PTPRT: variants seen among roughly 807,000 people sequenced by gnomAD.
The protein encoded by PTPRT is receptor-type tyrosine-protein phosphatase T.
A neutral mutation model predicts 176.8 loss-of-function variants in PTPRT; 56 were observed. The observed-to-expected ratio is 0.32, with a 90% confidence interval of 0.26 to 0.40. The LOEUF (loss-of-function observed/expected upper bound fraction) is 0.40. PTPRT is among the 10% of genes least tolerant of loss of function. PTPRT has a pLI of 1.00. For synonymous variants in PTPRT, 783 were observed against 739.0 expected (o/e 1.06, Z -0.96); for missense variants, 1,540 against 1,908.2 (o/e 0.81, Z 3.60).
At chr20:42,432,461 G>A (rs909764827) in intron 9 of PTPRT, among the ~76,000 whole-genome samples, 2 of 152,142 alleles carry the variant, frequency 1.3e-5, no homozygotes, top group African/African-American at 4.8e-5. Context: ...TGGCCAAGGG[G>A]ACCCCAGAGA....
chr20:42,096,756 ATTTTTTT>A (rs58111170), intron 27 of PTPRT, among the ~76,000 whole-genome samples: 9,649 of 119,030 alleles, frequency 0.081, 549 homozygotes, highest in African/African-American at 0.2. Flanking sequence ...GCTAATTAAA[ATTTTTTT>A]TTTTTTTTTT....
intron 1 of PTPRT, among the ~76,000 whole-genome samples, chr20:42,947,546 A>G (rs959210657): frequency 6.6e-6 from 1 of 152,170 alleles, no homozygotes; most frequent in Non-Finnish European, 1.5e-5. Flanking sequence ...ACCAGACCAA[A>G]CAATATCGCA....
chr20:43,018,578 C>T (rs1027648150), intron 1 of PTPRT, among the ~76,000 whole-genome samples: 2 of 152,044 alleles, frequency 1.3e-5, no homozygotes, highest in Non-Finnish European at 2.9e-5. Flanking sequence ...TGTAAAATGG[C>T]GGGGGGTGGG....
chr20:42,951,107 G>A (rs1312868719), intron 1 of PTPRT, among the ~76,000 whole-genome samples: 1 of 152,220 alleles, frequency 6.6e-6, no homozygotes, highest in Non-Finnish European at 1.5e-5. Context: ...ATGGATGAGA[G>A]AATGAAGGAT....
At chr20:42,419,477 T>C (rs1232574077) in intron 9 of PTPRT, among the ~76,000 whole-genome samples, 4 of 152,168 alleles carry the variant, frequency 2.6e-5, no homozygotes, top group Non-Finnish European at 2.9e-5. Flanking sequence ...CACCTCCTTT[T>C]CTTAGAACTT....
At chr20:42,568,767 C>T (rs113029168) in intron 7 of PTPRT, among the ~76,000 whole-genome samples, 6,017 of 151,930 alleles carry the variant, frequency 0.04, 173 homozygotes, top group Non-Finnish European at 0.061. Context: ...AGAATTATTT[C>T]GGCTAGGCAC....
At chr20:42,477,747 A>G (rs750475248) in intron 7 of PTPRT, among the ~76,000 whole-genome samples, 1 of 152,206 alleles carries the variant, frequency 6.6e-6, no homozygotes, top group Non-Finnish European at 1.5e-5. Context: ...CAAGAAGATG[A>G]CAAACAGTGG....
At chr20:42,933,713 G>C (rs1313398712) in intron 1 of PTPRT, among the ~76,000 whole-genome samples, 4 of 152,154 alleles carry the variant, frequency 2.6e-5, no homozygotes, top group Non-Finnish European at 5.9e-5. Flanking sequence ...CCTCAGCAAG[G>C]TTCCTGTCAA....
chr20:42,452,266 TC>T (rs2070844445), intron 8 of PTPRT, among the ~76,000 whole-genome samples: 1 of 115,102 alleles, frequency 8.7e-6, no homozygotes. Flanking sequence ...AGACTCCATC[TC>T]AAAAAAAAAA....
the PTPRT span, among the ~76,000 whole-genome samples, chr20:42,037,707 G>A: frequency 6.6e-6 from 1 of 152,204 alleles, no homozygotes; most frequent in Non-Finnish European, 1.5e-5. Flanking sequence ...AAATGTGCCG[G>A]TGGTTGAGAT....
At chr20:43,115,921 C>T (rs2013041744) in intron 1 of PTPRT, among the ~76,000 whole-genome samples, 1 of 152,244 alleles carries the variant, frequency 6.6e-6, no homozygotes, top group East Asian at 1.9e-4. Context: ...CAGCAATTAT[C>T]ACCATGACTT....
At chr20:42,145,436 G>T (rs528730935) in intron 17 of PTPRT, among the ~76,000 whole-genome samples, 1 of 152,250 alleles carries the variant, frequency 6.6e-6, no homozygotes, top group South Asian at 2.1e-4. Flanking sequence ...GGAGGTGGAG[G>T]TTGCAGTGAG....
At chr20:42,142,060 G>C in intron 17 of PTPRT, 58 bp from the exon 18 acceptor site, 6 of 1,462,594 alleles carry the variant, frequency 4.1e-6, no homozygotes, top group Non-Finnish European at 5.8e-6. Flanking sequence ...TATGGAAGTG[G>C]AGATGAACCA....
intron 7 of PTPRT, among the ~76,000 whole-genome samples, chr20:42,672,548 T>C (rs951568925): frequency 6.6e-6 from 1 of 152,210 alleles, no homozygotes; most frequent in African/African-American, 2.4e-5. Flanking sequence ...AACTGAAGCA[T>C]GGGAGTATCA....
chr20:43,179,104 G>A (rs1331958709), intron 1 of PTPRT, among the ~76,000 whole-genome samples: 1 of 152,200 alleles, frequency 6.6e-6, no homozygotes, highest in Non-Finnish European at 1.5e-5. Context: ...TCCAATGTCT[G>A]GTCAGCCCAT....
At chr20:42,565,768 AG>A (rs1216897771) in intron 7 of PTPRT, among the ~76,000 whole-genome samples, 1 of 152,142 alleles carries the variant, frequency 6.6e-6, no homozygotes, top group Admixed American at 6.6e-5. Flanking sequence ...GAGCCGGGGC[AG>A]GGAGTGGGGT....
chr20:42,035,804 ATGGGT>A, the PTPRT span, among the ~76,000 whole-genome samples: 1 of 152,204 alleles, frequency 6.6e-6, no homozygotes, highest in Admixed American at 6.5e-5. Flanking sequence ...AGCTCCCAGA[ATGGGT>A]TGTTTTTATG....
chr20:43,169,767 C>G (rs528428628), intron 1 of PTPRT, among the ~76,000 whole-genome samples: 1 of 152,288 alleles, frequency 6.6e-6, no homozygotes, highest in East Asian at 1.9e-4. Context: ...TGCAAGCATG[C>G]CTCCCTGAAG....
chr20:42,315,056 T>C (rs6030128), intron 12 of PTPRT, among the ~76,000 whole-genome samples: 134,576 of 151,840 alleles, frequency 0.89, 59,739 homozygotes, highest in Non-Finnish European at 0.91. Flanking sequence ...TGCCAATCCT[T>C]GACCAAAGAA....
Sources: gnomAD v4.1 joint callset for allele counts (sites outside exome capture counted in the v4.1 genomes callset) on GRCh38, gnomAD v4.1.1 for gene constraint, MANE v1.5 for transcripts, NCBI Gene and HGNC (gene_info 2026-07-23, HGNC 2026-07-21) for gene names.